Variants in MAPK14 observed in about 807,000 individuals in gnomAD.
MAPK14 encodes mitogen-activated protein kinase 14, also known as CSAID-binding protein.
A neutral mutation model predicts 49.6 loss-of-function variants in MAPK14; 16 were observed. That is an observed-to-expected ratio of 0.32 (90% CI 0.22 to 0.49). The LOEUF is 0.49. Ranked by LOEUF, MAPK14 falls within the 20% of genes least tolerant of loss-of-function variation. The pLI is 0.99. For missense variants in MAPK14, 200 were observed against 441.2 expected (o/e 0.45, Z 4.90); for synonymous variants, 142 against 158.0 (o/e 0.90, Z 0.76).
In MAPK14 at chr6:36,034,880, G is replaced by A. The variant is rs533189399; in HGVS notation, c.116+6607G>A. On this transcript the variant is annotated intron_variant, in intron 1 of 11. Coordinates refer to ENST00000229794, the MANE Select transcript of MAPK14 (RefSeq NM_139012.3). ...TCTGTGTCACATTTTGGTAATTCTC[G>A]CAATATTTCTTTCTTTCTTTTTTTT... is the stretch of plus-strand genomic sequence containing the variant. Among the ~76,000 whole-genome samples, 83 of 149,346 alleles carry A rather than the reference G, an allele frequency of 5.6e-4. 2 individuals are homozygous for A. The highest frequency in any genetic ancestry group is 5.9e-4 in the East Asian group (3 of 5,098).
At chr6:36,072,658 G>A (rs536120603) in intron 3 of MAPK14, among the ~76,000 whole-genome samples, 8 of 152,164 alleles carry the variant, frequency 5.3e-5, no homozygotes, top group East Asian at 3.9e-4. Flanking sequence ...CCAGCAACTC[G>A]GGAGGCTGAG....
rs377357612 is a variant in MAPK14, at chr6:36,028,115, G to T, written c.-43G>T. The stretch of plus-strand genomic sequence containing the variant: ...GGAGAGGGTGCGGGTGCAGGCGGGG[G>T]CCCCACAGGGCCACCTTCTTGCCCG... On this transcript the variant is annotated 5_prime_UTR_variant, in exon 1 of 12. Coordinates refer to ENST00000229794, the MANE Select transcript of MAPK14 (RefSeq NM_139012.3). The surrounding 1 kb of genome is among the most constrained non-coding windows in gnomAD (Gnocchi z 5.1). The T allele has an allele frequency of 2.9e-6, 4 of 1,396,070 alleles. No individual in the cohort carries two copies. The highest frequency in any genetic ancestry group is 2.8e-5 in the African/African-American group (2 of 70,436). 86.5% of individuals were successfully genotyped at this position (1,396,070 alleles called of 1,614,324 possible). A position where few individuals can be genotyped will look rare whatever the true frequency, so the allele number is the denominator to read the frequency against.
chr6:36,074,768 A>G (rs1242001152), intron 6 of MAPK14, among the ~76,000 whole-genome samples: 1 of 151,842 alleles, frequency 6.6e-6, no homozygotes, highest in Non-Finnish European at 1.5e-5. Flanking sequence ...GGTGCACGCC[A>G]TCACACCCGG....
At chr6:36,073,898 T>C in intron 5 of MAPK14, 151 bp from the exon 6 acceptor site, 1 of 839,932 alleles carries the variant, frequency 1.2e-6, no homozygotes, top group South Asian at 1.6e-5. Flanking sequence ...TATGTAAGGC[T>C]AACTTGGACT....
chr6:36,035,274 ATAT>A (rs1306794390), intron 1 of MAPK14, among the ~76,000 whole-genome samples: 1 of 152,078 alleles, frequency 6.6e-6, no homozygotes, highest in Non-Finnish European at 1.5e-5. Flanking sequence ...TTATTATTAA[ATAT>A]TATGGGGATC....
intron 9 of MAPK14, chr6:36,098,173 T>C (rs1474073186): frequency 6.6e-6 from 1 of 152,180 alleles, no homozygotes; most frequent in Non-Finnish European, 1.5e-5. Flanking sequence ...TTCATTCTCC[T>C]GAAAAGTAGT....
chr6:36,035,044 A>G lies in MAPK14; in HGVS notation c.116+6771A>G, dbSNP rs113823834. Reference sequence around the variant, plus strand: ...CTCCCAAGTAGCTGGGACTACAGGCATGTGCCACCACACCTGGCTAATTTT... The same window carrying G: ...CTCCCAAGTAGCTGGGACTACAGGCGTGTGCCACCACACCTGGCTAATTTT... On this transcript the variant is annotated intron_variant, in intron 1 of 11. Transcript: ENST00000229794. Among the ~76,000 whole-genome samples, 593 of 151,952 alleles carry G rather than the reference A, an allele frequency of 3.9e-3. 4 individuals carry two copies. The highest frequency in any genetic ancestry group is 0.013 in the African/African-American group (558 of 41,444).
chr6:36,119,767 GC>G, the MAPK14 span, among the ~76,000 whole-genome samples: 1 of 151,992 alleles, frequency 6.6e-6, no homozygotes, highest in Non-Finnish European at 1.5e-5. Context: ...GCACAGGACG[GC>G]CCCCACAACG....
chr6:36,112,417 C>A (rs1397746340), downstream of MAPK14, among the ~76,000 whole-genome samples: 5 of 151,970 alleles, frequency 3.3e-5, no homozygotes, highest in Admixed American at 1.3e-4. Flanking sequence ...ATAGGGGAAA[C>A]CTGAATGGAA....
Position 36,110,668 on chromosome 6 carries a change from A to T in MAPK14, c.*2221A>T, listed in dbSNP as rs534909292. 8 of 152,546 alleles carry T rather than the reference A, an allele frequency of 5.2e-5. 1 individual carries two copies. In the South Asian group the frequency reaches 1.7e-3, roughly 32 times the overall value. 9.4% of individuals were successfully genotyped at this position (152,546 alleles called of 1,614,324 possible). On this transcript the variant is annotated 3_prime_UTR_variant, in exon 12 of 12. Coordinates refer to ENST00000229794, the MANE Select transcript of MAPK14 (RefSeq NM_139012.3). ...AGAGAATGAGGGAAATTGCTATTTT[A>T]TTTGTATTCATGAACTTGGCTGTAA... is the stretch of plus-strand genomic sequence containing the variant.
At chr6:36,111,961 C>T (rs1335299544), downstream of MAPK14, among the ~76,000 whole-genome samples, 2 of 152,124 alleles carry the variant, frequency 1.3e-5, no homozygotes, top group Non-Finnish European at 2.9e-5. Context: ...AATCTCAGCA[C>T]TTTGGGAGGC....
intron 3 of MAPK14, among the ~76,000 whole-genome samples, chr6:36,062,314 A>G (rs1167153219): frequency 6.6e-6 from 1 of 152,190 alleles, no homozygotes; most frequent in Non-Finnish European, 1.5e-5. Flanking sequence ...GATATGCATA[A>G]GAAACTAAAC....
At chr6:36,076,767 C>A (rs190663927) in intron 8 of MAPK14, 159 bp downstream of exon 8, 7 of 475,852 alleles carry the variant, frequency 1.5e-5, no homozygotes, top group South Asian at 1.3e-4. Context: ...AGTAGCTTGC[C>A]TTGCCAAGAA....
intron 9 of MAPK14, among the ~76,000 whole-genome samples, chr6:36,101,636 C>G (rs972618814): frequency 7.2e-5 from 11 of 152,006 alleles, no homozygotes; most frequent in African/African-American, 2.7e-4. Flanking sequence ...ACCTCAGTCT[C>G]CCAAGTAGCT....
At chr6:36,114,982 T>G (rs1465130087), downstream of MAPK14, among the ~76,000 whole-genome samples, 2 of 152,134 alleles carry the variant, frequency 1.3e-5, no homozygotes, top group Non-Finnish European at 2.9e-5. Flanking sequence ...TAGGGGGAGT[T>G]TGCAGCCTTC....
the MAPK14 span, among the ~76,000 whole-genome samples, chr6:36,118,693 T>G: frequency 6.6e-6 from 1 of 152,226 alleles, no homozygotes; most frequent in Non-Finnish European, 1.5e-5. Context: ...CAGAGCTGAT[T>G]GTCCTGTATG....
intron 2 of MAPK14, among the ~76,000 whole-genome samples, chr6:36,057,006 G>A (rs1763615214): frequency 6.6e-6 from 1 of 152,176 alleles, no homozygotes; most frequent in Non-Finnish European, 1.5e-5. Context: ...TTGTGAATGA[G>A]GTCACAGGTA....
intron 1 of MAPK14, among the ~76,000 whole-genome samples, chr6:36,035,767 C>T (rs1188081870): frequency 3.9e-5 from 6 of 152,212 alleles, no homozygotes. Flanking sequence ...ATCAGACCAA[C>T]CACAACATGC....
the MAPK14 span, among the ~76,000 whole-genome samples, chr6:36,120,019 C>T: frequency 6.6e-6 from 1 of 152,176 alleles, no homozygotes; most frequent in African/African-American, 2.4e-5. Context: ...CAGAGAGGGG[C>T]ATGAAAGGGC....
Sources: allele counts gnomAD v4.1 joint callset (sites outside exome capture counted in the v4.1 genomes callset), GRCh38; gene constraint gnomAD v4.1.1; non-coding constraint Gnocchi (gnomAD v3.1); transcripts MANE v1.5; gene names NCBI Gene and HGNC (gene_info 2026-07-23, HGNC 2026-07-21).